C16orf89: variants seen among roughly 807,000 people sequenced by gnomAD.
C16orf89 encodes the protein UPF0764 protein C16orf89.
C16orf89 carries 57 observed loss-of-function variants against 41.5 expected under a neutral mutation model. The observed-to-expected ratio is 1.38, with a 90% confidence interval of 1.11 to 1.71. The LOEUF (loss-of-function observed/expected upper bound fraction) is 1.71. Ranked by LOEUF, C16orf89 falls within the 40% of genes most tolerant of loss-of-function variation. The pLI, the probability that C16orf89 is intolerant of heterozygous loss-of-function variation, is 0.00. For synonymous variants in C16orf89, 223 were observed against 190.6 expected, an observed-to-expected ratio of 1.17 and a Z score of -1.40; for missense variants, 575 against 445.9, an observed-to-expected ratio of 1.29 and a Z score of -2.61.
At chr16:5,045,777 C>G (rs1956284657) in intron 7 of C16orf89, among the ~76,000 whole-genome samples, 1 of 152,128 alleles carries the variant, frequency 6.6e-6, no homozygotes, top group South Asian at 2.1e-4. Context: ...ACCCACACAA[C>G]CTGACCTCAA....
intron 6 of C16orf89, among the ~76,000 whole-genome samples, chr16:5,052,006 G>C (rs1273152378): frequency 6.6e-6 from 1 of 151,140 alleles, no homozygotes; most frequent in African/African-American, 2.4e-5. Flanking sequence ...GGGAGGCTGA[G>C]GCAGGAGAAT....
rs770578532 is a variant in C16orf89 at position 5,062,459 on chromosome 16, G to T, written c.324C>A (p.His108Gln). The change falls in exon 2 of 8, where the codon CAC (histidine) becomes CAA (glutamine). Residue 108 changes from histidine to glutamine, a missense_variant. Physicochemically the swap from His to Gln is conservative, Grantham distance 24 (BLOSUM62 0). Transcript: ENST00000472572. Reference sequence around the variant, plus strand: ...ACTTGGGATCACTCAGCTTGAGGTAGTGGAGGGATCTCTGGATGGCAGCCT... The same window carrying T: ...ACTTGGGATCACTCAGCTTGAGGTATTGGAGGGATCTCTGGATGGCAGCCT... ...KLEAAIQRSL[H>Q]YLKLSDPKYL... The T allele has an allele frequency of 2.5e-6, 4 of 1,614,104 alleles. No homozygotes were observed. The highest frequency in any genetic ancestry group is 3.4e-6 in the Non-Finnish European group (4 of 1,179,984).
chr16:5,044,779 G>A (rs1473966253), intron 7 of C16orf89: 28 of 1,155,554 alleles, frequency 2.4e-5, no homozygotes, highest in Non-Finnish European at 3.1e-5. Flanking sequence ...AGGAGGCAAA[G>A]GTTGCAGTGA....
intron 2 of C16orf89, among the ~76,000 whole-genome samples, chr16:5,061,192 A>T (rs1200106050): frequency 6.9e-6 from 1 of 145,612 alleles, no homozygotes; most frequent in Non-Finnish European, 1.5e-5. Context: ...AACCCGGGAG[A>T]CAGAGCTTGC....
At chr16:5,058,732 G>T in intron 3 of C16orf89, 122 bp from the exon 4 acceptor site, 1 of 733,592 alleles carries the variant, frequency 1.4e-6, no homozygotes, top group Non-Finnish European at 2.2e-6. Flanking sequence ...CTGGGCATGG[G>T]GGTTGACAGA....
Position 5,060,366 on chromosome 16 carries a change from C to G in C16orf89, c.429G>C (p.Leu143Phe). ...CCTGGGGCCCGAACGTGGGGTACAC[C>G]AAGGAGGCATCAGTGTGGATCCAGG... is the stretch of plus-strand genomic sequence containing the variant. ...PHAWIHTDAS[L>F]VYPTFGPQDS... Residue 143 changes from leucine to phenylalanine, a missense_variant, in exon 3 of 8, where the codon TTG becomes TTC. Transcript: ENST00000472572. 1 of 1,613,550 alleles carries G rather than the reference C, an allele frequency of 6.2e-7. No homozygotes were observed. The highest frequency in any genetic ancestry group is 8.5e-7 in the Non-Finnish European group (1 of 1,179,818).
chr16:5,063,449 C>A (rs1956669437), intron 1 of C16orf89, among the ~76,000 whole-genome samples: 1 of 152,150 alleles, frequency 6.6e-6, no homozygotes, highest in African/African-American at 2.4e-5. Flanking sequence ...GGACAGGGGT[C>A]CCCAACCTCC....
chr16:5,059,430 A>G (rs1428740433), intron 3 of C16orf89, among the ~76,000 whole-genome samples: 4 of 152,040 alleles, frequency 2.6e-5, no homozygotes, highest in Non-Finnish European at 5.9e-5. Flanking sequence ...AGAACACACC[A>G]CTGCACTCCA....
At chr16:5,061,988 A>T (rs1956636488) in intron 2 of C16orf89, among the ~76,000 whole-genome samples, 1 of 152,206 alleles carries the variant, frequency 6.6e-6, no homozygotes, top group Non-Finnish European at 1.5e-5. Context: ...TTTGAAAAAT[A>T]GTGTGTGGAC....
rs745974205 is a variant in C16orf89 at position 5,058,598 on chromosome 16, G to C, written c.522C>G (p.Ser174Arg). ...AGAGGTCTGAGAGGCCGCAGGGCTC[G>C]CTGCTGTCCGTCCTGGGGGAAAGTG... ...VQLLGTGTDS[S>R]EPCGLSDLCR... The change falls in exon 4 of 8, where the codon AGC becomes AGG. Residue 174 changes from serine to arginine, a missense_variant. Coordinates refer to ENST00000472572, the MANE Select transcript of C16orf89 (RefSeq NM_001098514.3). The C allele has an allele frequency of 7.4e-6, 12 of 1,610,920 alleles. No homozygotes were observed. The highest frequency in any genetic ancestry group is 1.0e-5 in the Non-Finnish European group (12 of 1,178,890).
chr16:5,051,703 A>G (rs139467969), intron 6 of C16orf89, among the ~76,000 whole-genome samples: 63 of 152,344 alleles, frequency 4.1e-4, no homozygotes, highest in Non-Finnish European at 6.5e-4. Flanking sequence ...TAAAATTTGT[A>G]TAGACCCACC....
Position 5,065,065 on chromosome 16 carries a change from A to G in C16orf89, c.208+636T>C, listed in dbSNP as rs566781956. Among the ~76,000 whole-genome samples, 3 of 151,548 alleles carry G rather than the reference A, an allele frequency of 2.0e-5. No individual in the cohort carries two copies. In the South Asian group the frequency reaches 6.3e-4, roughly 32 times the overall value. On this transcript the variant is annotated intron_variant, in intron 1 of 7. Transcript: ENST00000472572. The stretch of plus-strand genomic sequence containing the variant: ...ACCTGTGTGCTTGTGTGTGTGTGTG[A>G]TATGCTTGTGTGCATGCGTGCATGC...
chr16:5,055,787 G>C, intron 5 of C16orf89: 1 of 1,475,290 alleles, frequency 6.8e-7, no homozygotes, highest in Non-Finnish European at 9.2e-7. Context: ...TTACATTTGA[G>C]TTTTCGATAA....
At chr16:5,059,782 T>C (rs180963797) in intron 3 of C16orf89, among the ~76,000 whole-genome samples, 1,716 of 152,214 alleles carry the variant, frequency 0.011, 20 homozygotes, top group Non-Finnish European at 0.017. Context: ...TCTGTGGCTA[T>C]AAGAGGTGCC....
At chr16:5,061,571 G>C (rs1209291725) in intron 2 of C16orf89, among the ~76,000 whole-genome samples, 3 of 149,414 alleles carry the variant, frequency 2.0e-5, no homozygotes, top group Non-Finnish European at 4.4e-5. Flanking sequence ...TAGACCTTTT[G>C]GTTTGGTGAG....
chr16:5,064,760 G>C (rs1956700711), intron 1 of C16orf89, among the ~76,000 whole-genome samples: 5 of 152,178 alleles, frequency 3.3e-5, no homozygotes, highest in Admixed American at 3.3e-4. Flanking sequence ...TGGAGAAGCC[G>C]GGCTCACTGC....
chr16:5,060,202 G>A (rs1956586855), intron 3 of C16orf89, 84 bp downstream of exon 3: 12 of 1,465,848 alleles, frequency 8.2e-6, no homozygotes, highest in Admixed American at 8.1e-5. Flanking sequence ...CAGCCCTAGG[G>A]CTTGGAGAAG....
At chr16:5,044,007 A>AG, downstream of C16orf89, 1 of 604,526 alleles carries the variant, frequency 1.7e-6, no homozygotes. Context: ...ATTAAAAAAA[A>AG]AAAAAAAGGA....
intron 3 of C16orf89, among the ~76,000 whole-genome samples, chr16:5,059,220 C>T (rs1956568533): frequency 1.3e-5 from 2 of 151,788 alleles, no homozygotes; most frequent in Non-Finnish European, 2.9e-5. Flanking sequence ...CACTGCACTC[C>T]AGCCTGGGAG....
Sources: allele counts gnomAD v4.1 joint callset (sites outside exome capture counted in the v4.1 genomes callset), GRCh38; gene constraint gnomAD v4.1.1; transcripts MANE v1.5; gene names NCBI Gene and HGNC (gene_info 2026-07-23, HGNC 2026-07-21).